Variants in JMJD1C observed in about 807,000 individuals in gnomAD.
JMJD1C encodes the protein jumonji domain-containing protein 1C.
Under a neutral mutation model 245.3 loss-of-function variants are expected in JMJD1C, and 31 were observed. The ratio of observed to expected loss-of-function variants is 0.13; its 90% CI spans 0.09 to 0.17. The LOEUF (loss-of-function observed/expected upper bound fraction) is 0.17. Among genes scored for constraint, JMJD1C ranks in the 10% least tolerant of loss-of-function variants. JMJD1C has a pLI of 1.00. For missense variants in JMJD1C, 2,691 were observed against 3,000.2 expected, an observed-to-expected ratio of 0.90 and a Z score of 2.41; for synonymous variants, 1,057 against 1,017.4, an observed-to-expected ratio of 1.04 and a Z score of -0.74.
At chr10:63,277,959 A>G (rs977711106) in intron 2 of JMJD1C, among the ~76,000 whole-genome samples, 1 of 151,708 alleles carries the variant, frequency 6.6e-6, no homozygotes, top group African/African-American at 2.4e-5. Flanking sequence ...CTGGTCTCCA[A>G]CTACCTCAGG....
At chr10:63,473,462 G>A (rs1953557528) in intron 1 of JMJD1C, among the ~76,000 whole-genome samples, 5 of 151,510 alleles carry the variant, frequency 3.3e-5, no homozygotes, top group Admixed American at 3.3e-4. Context: ...GGCCAGGCTA[G>A]TCTCGAACTC....
chr10:63,389,076 C>T (rs1276943783), intron 1 of JMJD1C, among the ~76,000 whole-genome samples: 1 of 152,142 alleles, frequency 6.6e-6, no homozygotes, highest in Non-Finnish European at 1.5e-5. Flanking sequence ...GTAATCCCAG[C>T]ACTTTGGGAG....
intron 3 of JMJD1C, among the ~76,000 whole-genome samples, chr10:63,234,449 G>A (rs1439862217): frequency 5.8e-5 from 7 of 120,914 alleles, no homozygotes; most frequent in Admixed American, 1.1e-4. Flanking sequence ...AGCCACGATC[G>A]CACCACTGCA....
At chr10:63,312,772 A>C (rs920019138) in intron 2 of JMJD1C, among the ~76,000 whole-genome samples, 1 of 152,126 alleles carries the variant, frequency 6.6e-6, no homozygotes, top group Non-Finnish European at 1.5e-5. Context: ...TTTTTTGCTA[A>C]ATGTATTCCA....
intron 2 of JMJD1C, among the ~76,000 whole-genome samples, chr10:63,354,212 C>T (rs1373680252): frequency 1.3e-5 from 2 of 152,304 alleles, no homozygotes; most frequent in East Asian, 1.9e-4. Flanking sequence ...TAATCCACAA[C>T]TTCAACAAAT....
At chr10:63,419,842 A>AT (rs1950019251) in intron 1 of JMJD1C, among the ~76,000 whole-genome samples, 1 of 150,670 alleles carries the variant, frequency 6.6e-6, no homozygotes, top group South Asian at 2.1e-4. Flanking sequence ...AATAAAAAAA[A>AT]AAAAAAAAAA....
chr10:63,518,688 A>C (rs1222437984), intron 1 of JMJD1C, among the ~76,000 whole-genome samples: 2 of 152,242 alleles, frequency 1.3e-5, no homozygotes, highest in Non-Finnish European at 2.9e-5. Context: ...ATACTACATG[A>C]AAGTCAGGCA....
intron 2 of JMJD1C, among the ~76,000 whole-genome samples, chr10:63,333,362 T>G (rs1942365358): frequency 6.6e-6 from 1 of 151,938 alleles, no homozygotes; most frequent in South Asian, 2.1e-4. Flanking sequence ...GGAGAACAGC[T>G]CAGGCAACAG....
intron 13 of JMJD1C, among the ~76,000 whole-genome samples, chr10:63,195,353 CAAA>C (rs56809186): frequency 2.7e-5 from 3 of 109,710 alleles, no homozygotes; most frequent in Non-Finnish European, 1.8e-5. Flanking sequence ...GACACCATCT[CAAA>C]AAAAAAAAAA....
intron 3 of JMJD1C, among the ~76,000 whole-genome samples, chr10:63,259,066 T>C (rs192624269): frequency 3.9e-5 from 6 of 152,330 alleles, no homozygotes. Flanking sequence ...TAAGCTGAAG[T>C]GAAGGTAAAG....
chr10:63,268,813 G>A, intron 2 of JMJD1C: 5 of 985,710 alleles, frequency 5.1e-6, no homozygotes, highest in Non-Finnish European at 6.0e-6. Context: ...ACAGGCAAAT[G>A]GCTCTCAAAC....
chr10:63,172,343 G>T (rs761882899), intron 24 of JMJD1C, among the ~76,000 whole-genome samples: 7 of 152,146 alleles, frequency 4.6e-5, no homozygotes, highest in Non-Finnish European at 8.8e-5. Flanking sequence ...CATATAGGAA[G>T]AAGTAAACAT....
chr10:63,202,649 C>T, intron 10 of JMJD1C: 2 of 985,426 alleles, frequency 2.0e-6, no homozygotes, highest in South Asian at 4.7e-5. Flanking sequence ...AGCCATTTGG[C>T]TTAATCCACT....
In JMJD1C at chr10:63,419,004, G is replaced by A. The variant is rs894788732; in HGVS notation, c.169-38522C>T. 2.0e-5 allele frequency among the ~76,000 whole-genome samples: 3 copies of A among 148,270 alleles called. No individual in the cohort carries two copies. The South Asian group carries it at 6.5e-4, about 32-fold the overall frequency. On this transcript the variant is annotated intron_variant, in intron 1 of 25. Transcript: ENST00000399262. ...AGGCAGGAGAATCGCCTGAACCCAG[G>A]AGACGGAGGTGGCAGTGAGCCAAGA...
intron 1 of JMJD1C, among the ~76,000 whole-genome samples, chr10:63,417,175 C>G (rs967713724): frequency 2.0e-5 from 3 of 152,156 alleles, no homozygotes; most frequent in Admixed American, 6.5e-5. Context: ...GCCTACAACT[C>G]AGGAAACTTG....
chr10:63,268,716 C>CT (rs1855929765), intron 2 of JMJD1C: 1 of 984,670 alleles, frequency 1.0e-6, no homozygotes, highest in African/African-American at 1.7e-5. Context: ...CACAACAAGG[C>CT]TTTAAAGGTC....
chr10:63,344,768 T>C lies in JMJD1C; in HGVS notation c.333+35550A>G, dbSNP rs945612048. 2.6e-5 allele frequency among the ~76,000 whole-genome samples: 4 copies of C among 151,884 alleles called. No individual in the cohort carries two copies. In the East Asian group the frequency reaches 7.7e-4, roughly 29 times the overall value. ...AATAGACGGTAAAAAAGTTCACCAA[T>C]AGTATTCAATACCTATTACCACAAG... is the stretch of plus-strand genomic sequence containing the variant. On this transcript the variant is annotated intron_variant, in intron 2 of 25. Coordinates refer to ENST00000399262, the MANE Select transcript of JMJD1C (RefSeq NM_032776.3).
chr10:63,229,276 C>T (rs571143733), intron 3 of JMJD1C, among the ~76,000 whole-genome samples: 21 of 152,196 alleles, frequency 1.4e-4, no homozygotes, highest in East Asian at 3.9e-4. Context: ...TTAATTCAGA[C>T]GTCTAGAATC....
chr10:63,489,967 C>A (rs973403274), intron 1 of JMJD1C, among the ~76,000 whole-genome samples: 1 of 152,190 alleles, frequency 6.6e-6, no homozygotes, highest in African/African-American at 2.4e-5. Context: ...AAATCAGCAG[C>A]TGCATTAGAT....
Sources: allele counts gnomAD v4.1 joint callset (sites outside exome capture counted in the v4.1 genomes callset), GRCh38; gene constraint gnomAD v4.1.1; transcripts MANE v1.5; gene names NCBI Gene and HGNC (gene_info 2026-07-23, HGNC 2026-07-21).